MARCHF4: variants seen among roughly 807,000 people sequenced by gnomAD.
MARCHF4 encodes E3 ubiquitin-protein ligase MARCHF4.
In MARCHF4, 14 loss-of-function variants were observed where a neutral mutation model predicts 43.9. The ratio of observed to expected loss-of-function variants is 0.32; its 90% CI spans 0.21 to 0.50. MARCHF4 has a LOEUF of 0.50. MARCHF4 is among the 20% of genes least tolerant of loss of function. The pLI is 0.98. For synonymous variants in MARCHF4, 226 were observed against 213.3 expected (o/e 1.06, Z -0.52); for missense variants, 468 against 536.7 (o/e 0.87, Z 1.27).
At chr2:216,273,082 C>A (rs1244169573) in intron 3 of MARCHF4, among the ~76,000 whole-genome samples, 3 of 152,232 alleles carry the variant, frequency 2.0e-5, no homozygotes, top group Non-Finnish European at 4.4e-5. Flanking sequence ...GTGTCCTGCA[C>A]AGCATCCTCC....
intron 1 of MARCHF4, among the ~76,000 whole-genome samples, chr2:216,346,453 A>G (rs919249735): frequency 2.6e-5 from 4 of 152,204 alleles, no homozygotes; most frequent in African/African-American, 9.7e-5. Context: ...AAAATACTGA[A>G]GTAGACACAA....
At chr2:216,360,336 C>A (rs1692557245) in intron 1 of MARCHF4, among the ~76,000 whole-genome samples, 1 of 151,936 alleles carries the variant, frequency 6.6e-6, no homozygotes. Flanking sequence ...CTAAGGGAGA[C>A]TTTTTGTCAC....
At chr2:216,289,068 T>TA (rs1491447284) in intron 1 of MARCHF4, among the ~76,000 whole-genome samples, 1 of 147,026 alleles carries the variant, frequency 6.8e-6, no homozygotes, top group African/African-American at 2.5e-5. Context: ...TATATATATA[T>TA]TTATTTTTAT....
chr2:216,338,685 T>C (rs931097863), intron 1 of MARCHF4, among the ~76,000 whole-genome samples: 1 of 152,128 alleles, frequency 6.6e-6, no homozygotes, highest in Non-Finnish European at 1.5e-5. Flanking sequence ...AATCCCCACA[T>C]GAACCATCTA....
At chr2:216,346,325 T>C (rs1452207830) in intron 1 of MARCHF4, among the ~76,000 whole-genome samples, 3 of 110,940 alleles carry the variant, frequency 2.7e-5, no homozygotes, top group African/African-American at 1.1e-4. Context: ...CACCACCCCC[T>C]CATGAACACA....
chr2:216,273,756 C>T (rs1484623197), intron 3 of MARCHF4, among the ~76,000 whole-genome samples: 1 of 152,184 alleles, frequency 6.6e-6, no homozygotes, highest in Non-Finnish European at 1.5e-5. Context: ...TTTGTTTCCG[C>T]CTTCGTGCAG....
chr2:216,318,255 G>A (rs973979972), intron 1 of MARCHF4: 1 of 152,278 alleles, frequency 6.6e-6, no homozygotes, highest in African/African-American at 2.4e-5. Flanking sequence ...TGAGCAAAAT[G>A]TAAGGGAAAG....
chr2:216,267,692 A>G (rs1307627066), intron 3 of MARCHF4, among the ~76,000 whole-genome samples: 1 of 152,222 alleles, frequency 6.6e-6, no homozygotes, highest in East Asian at 1.9e-4. Flanking sequence ...CCCAAAATGT[A>G]TTAGCTGGCT....
At chr2:216,276,070 C>A (rs576362772) in intron 3 of MARCHF4, among the ~76,000 whole-genome samples, 45 of 152,318 alleles carry the variant, frequency 3.0e-4, no homozygotes, top group African/African-American at 9.4e-4. Context: ...TAAGGCACTG[C>A]GATCTGTGGA....
chr2:216,271,957 ATTTT>A (rs57629851), intron 3 of MARCHF4, among the ~76,000 whole-genome samples: 84 of 100,572 alleles, frequency 8.4e-4, no homozygotes, highest in African/African-American at 3.1e-3. Context: ...CACCTGGCTA[ATTTT>A]TTTTTTTTTT....
At chr2:216,317,979 C>A (rs1413339000) in intron 1 of MARCHF4, 2 of 152,214 alleles carry the variant, frequency 1.3e-5, no homozygotes, top group Non-Finnish European at 2.9e-5. Context: ...AACAAGAGTT[C>A]TTCCAAGCAA....
chr2:216,304,146 C>T (rs1691542420), intron 1 of MARCHF4, among the ~76,000 whole-genome samples: 1 of 152,164 alleles, frequency 6.6e-6, no homozygotes, highest in Non-Finnish European at 1.5e-5. Flanking sequence ...CTATTGCTCA[C>T]CCCAAATCAT....
chr2:216,346,463 A>AC (rs1459356111), intron 1 of MARCHF4, among the ~76,000 whole-genome samples: 1 of 152,206 alleles, frequency 6.6e-6, no homozygotes, highest in Non-Finnish European at 1.5e-5. Context: ...AGTAGACACA[A>AC]CACCTGCCCT....
chr2:216,343,497 C>T lies in MARCHF4; in HGVS notation c.516+26248G>A, dbSNP rs114585729. On this transcript the variant is annotated intron_variant, in intron 1 of 3. Coordinates refer to ENST00000273067, the MANE Select transcript of MARCHF4 (RefSeq NM_020814.3). ...CCCACCCTTCCTAATACCATCACAT[C>T]GGAGGTTAGGATTTCAGCATATGAT... 1.0e-3 allele frequency among the ~76,000 whole-genome samples: 154 copies of T among 152,260 alleles called. 1 individual carries two copies. Among genetic ancestry groups the T allele is most frequent in the African/African-American group, 3.5e-3 (145 of 41,546 alleles).
chr2:216,354,939 C>CTTTCTTTA (rs1692469197), intron 1 of MARCHF4, among the ~76,000 whole-genome samples: 1 of 137,888 alleles, frequency 7.3e-6, no homozygotes, highest in Non-Finnish European at 1.5e-5. Context: ...TTCTTTCTTT[C>CTTTCTTTA]TTTCTTTCTT....
chr2:216,358,334 G>A (rs1184816289), intron 1 of MARCHF4, among the ~76,000 whole-genome samples: 2 of 152,136 alleles, frequency 1.3e-5, no homozygotes, highest in East Asian at 3.8e-4. Context: ...CTGACTCCTT[G>A]CTTTCATTGT....
chr2:216,266,140 G>A (rs1204184698), intron 3 of MARCHF4: 1 of 152,154 alleles, frequency 6.6e-6, no homozygotes, highest in Non-Finnish European at 1.5e-5. Flanking sequence ...CCACAACTAA[G>A]AGTTAACTTA....
chr2:216,266,092 T>C (rs533721580), intron 3 of MARCHF4: 1 of 152,240 alleles, frequency 6.6e-6, no homozygotes, highest in African/African-American at 2.4e-5. Flanking sequence ...ACGGAAGAAA[T>C]AAATACTTCC....
intron 2 of MARCHF4, 56 bp downstream of exon 2, chr2:216,283,518 C>T (rs945036802): frequency 6.4e-5 from 98 of 1,521,384 alleles, no homozygotes; most frequent in Non-Finnish European, 8.6e-5. Context: ...CCTGCTAAAG[C>T]AGGTGGTGTG....
Sources: gnomAD v4.1 joint callset for allele counts (sites outside exome capture counted in the v4.1 genomes callset) on GRCh38, gnomAD v4.1.1 for gene constraint, MANE v1.5 for transcripts, NCBI Gene and HGNC (gene_info 2026-07-23, HGNC 2026-07-21) for gene names.